CCDC27: variants seen among roughly 807,000 people sequenced by gnomAD.
CCDC27 encodes coiled-coil domain containing 27.
A neutral mutation model predicts 80.3 loss-of-function variants in CCDC27; 80 were observed. The ratio of observed to expected loss-of-function variants is 1.00; its 90% CI spans 0.83 to 1.20. The LOEUF is 1.20. Ranked by LOEUF, CCDC27 falls within the 50% of genes most tolerant of loss-of-function variation. The pLI is 0.00. For synonymous variants in CCDC27, 342 were observed against 334.3 expected, an observed-to-expected ratio of 1.02 and a Z score of -0.25; for missense variants, 815 against 809.4, an observed-to-expected ratio of 1.01 and a Z score of -0.08.
At position 3,760,271 on chromosome 1, in the gene CCDC27, A is replaced by G. The variant is rs1443960875; in HGVS notation, c.712-1010A>G. 6.6e-6 allele frequency among the ~76,000 whole-genome samples: 1 copy of G among 152,104 alleles called. No homozygotes were observed. The highest frequency in any genetic ancestry group is 1.9e-4 in the East Asian group (1 of 5,186). On this transcript the variant is annotated intron_variant, in intron 4 of 11. Transcript: ENST00000294600. The surrounding 1 kb of genome is among the most constrained non-coding windows in gnomAD (Gnocchi z 4.3). ...ATCCATACTACAAAGATTCCCATGT[A>G]CTTTTCCATTCCCCAAATGTTAAAT...
rs1643276426 is a variant in CCDC27, at chr1:3,768,089, T to C, written c.1743+644T>C. Among the ~76,000 whole-genome samples, 1 of 117,010 alleles carries C rather than the reference T, an allele frequency of 8.5e-6. No individual in the cohort carries two copies. Among genetic ancestry groups the C allele is most frequent in the African/African-American group, 3.3e-5 (1 of 30,122 alleles). The allele number at this position is 117,010 out of a possible 152,430, so 76.8% of individuals were successfully genotyped here. On this transcript the variant is annotated intron_variant, in intron 10 of 11. Transcript: ENST00000294600. The surrounding 1 kb of genome is among the most constrained non-coding windows in gnomAD (Gnocchi z 5.6). ...AAAGGAAATCAATAAAGAGCTGACC[T>C]TTTTTTTTTTTTTTTTTTTTTCTGA...
Position 3,767,417 on chromosome 1 carries a change from G to T in CCDC27, c.1715G>T (p.Arg572Leu), listed in dbSNP as rs770644260. The change falls in exon 10 of 12, where the codon CGC becomes CTC. Residue 572 changes from arginine to leucine, a missense_variant. Physicochemically the swap from Arg to Leu is moderately radical, Grantham distance 102. Transcript: ENST00000294600. ...EMIQQAEQHT[R>L]VALESSQSRL... ...ATTCAGCAGGCAGAGCAGCACACCC[G>T]CGTGGCCCTGGAGAGCTCCCAGTCC... 5 of 1,613,204 alleles carry T rather than the reference G, an allele frequency of 3.1e-6. No homozygotes were observed. The highest frequency in any genetic ancestry group is 2.2e-5 in the South Asian group (2 of 91,056).
Position 3,761,250 on chromosome 1 carries a change from C to T in CCDC27, c.712-31C>T, listed in dbSNP as rs915251124. ...GGGGAAGAGTGTGTGGCTGCATGGCCCACGGGGGCTGCCCTTGGTTTTCTG... is the reference window on the plus strand; with the variant it reads ...GGGGAAGAGTGTGTGGCTGCATGGCTCACGGGGGCTGCCCTTGGTTTTCTG... On this transcript the variant is annotated intron_variant, in intron 4 of 11. Transcript: ENST00000294600. The surrounding 1 kb of genome is among the most constrained non-coding windows in gnomAD (Gnocchi z 5.0). The T allele has an allele frequency of 1.2e-6, 2 of 1,608,560 alleles. No homozygotes were observed. The highest frequency in any genetic ancestry group is 1.7e-6 in the Non-Finnish European group (2 of 1,177,000).
chr1:3,764,443 CCATCTTAACAT>C (rs1415981314), intron 8 of CCDC27, among the ~76,000 whole-genome samples: 3 of 152,032 alleles, frequency 2.0e-5, no homozygotes, highest in Admixed American at 6.6e-5. Context: ...AGATTGTTCT[CCATCTTAACAT>C]TATTTAATGC....
chr1:3,752,891 G>A, intron 1 of CCDC27, 92 bp downstream of exon 1: 1 of 1,367,912 alleles, frequency 7.3e-7, no homozygotes, highest in Non-Finnish European at 1.0e-6. Flanking sequence ...AGCCCACAAA[G>A]CATTCCACAG....
In CCDC27 at chr1:3,768,270, A is replaced by G. The variant is rs569296607; in HGVS notation, c.1743+825A>G. Among the ~76,000 whole-genome samples the G allele has an allele frequency of 6.6e-6, 1 of 151,792 alleles. No homozygotes were observed. Among genetic ancestry groups the G allele is most frequent in the East Asian group, 1.9e-4 (1 of 5,144 alleles). The stretch of plus-strand genomic sequence containing the variant: ...GTGCCACCATACCTGGCCAATTTTA[A>G]AAGCTTTTTGTAGAGACGGTCTCAC... On this transcript the variant is annotated intron_variant, in intron 10 of 11. Coordinates refer to ENST00000294600, the MANE Select transcript of CCDC27 (RefSeq NM_152492.3). This position sits in a 1 kb window ranked among gnomAD's most constrained non-coding sequence, Gnocchi z 5.6.
chr1:3,754,466 G>C (rs1328287953), intron 2 of CCDC27, among the ~76,000 whole-genome samples: 1 of 152,108 alleles, frequency 6.6e-6, no homozygotes, highest in East Asian at 1.9e-4. Context: ...ATTATGATTT[G>C]TCTCCCCAGC....
intron 1 of CCDC27, 86 bp from the exon 2 acceptor site, chr1:3,754,032 G>A (rs542892547): frequency 5.1e-6 from 8 of 1,555,790 alleles, no homozygotes; most frequent in Non-Finnish European, 7.0e-6. Context: ...ATTTGTGATG[G>A]TTTAGGGAAA....
rs765155126 is a variant in CCDC27 at position 3,768,981 on chromosome 1, C to T, written c.1744-802C>T. Among the ~76,000 whole-genome samples, 5 of 152,284 alleles carry T rather than the reference C, an allele frequency of 3.3e-5. No homozygotes were observed. Among genetic ancestry groups the T allele is most frequent in the Admixed American group, 6.5e-5 (1 of 15,292 alleles). On this transcript the variant is annotated intron_variant, in intron 10 of 11. Coordinates refer to ENST00000294600, the MANE Select transcript of CCDC27 (RefSeq NM_152492.3). This position sits in a 1 kb window ranked among gnomAD's most constrained non-coding sequence, Gnocchi z 5.6. ...ATTCCTGCTGTCACTTAAACCTGTC[C>T]GAGCGGCAGTGTGGACATGCTTCCA... is the stretch of plus-strand genomic sequence containing the variant.
chr1:3,765,260 T>C (rs1643201487), intron 8 of CCDC27, among the ~76,000 whole-genome samples: 1 of 152,194 alleles, frequency 6.6e-6, no homozygotes, highest in Non-Finnish European at 1.5e-5. Context: ...TGTTCCTCTC[T>C]GGAAAGTTGT....
chr1:3,763,863 C>T lies in CCDC27; in HGVS notation c.1452+27C>T, dbSNP rs41306998. On this transcript the variant is annotated intron_variant, in intron 8 of 11. Transcript: ENST00000294600. This position sits in a 1 kb window ranked among gnomAD's most constrained non-coding sequence, Gnocchi z 7.5. ...TGGCCGTGCGCTCAGTACCGGCCTC[C>T]GCTCCATGAGCATGGGCCCCAGGCT... is the stretch of plus-strand genomic sequence containing the variant. 29,198 of 1,609,564 alleles carry T rather than the reference C, an allele frequency of 0.018. 333 individuals are homozygous for T. Among genetic ancestry groups the T allele is most frequent in the South Asian group, 0.037 (3,335 of 90,764 alleles).
chr1:3,755,318 T>A, intron 2 of CCDC27, 139 bp from the exon 3 acceptor site: 1 of 713,660 alleles, frequency 1.4e-6, no homozygotes, highest in Non-Finnish European at 2.5e-6. Flanking sequence ...GGTTCAGCCC[T>A]TGCTCAGTCC....
intron 11 of CCDC27, among the ~76,000 whole-genome samples, chr1:3,770,844 A>G (rs1449762782): frequency 6.6e-6 from 1 of 152,160 alleles, no homozygotes; most frequent in African/African-American, 2.4e-5. Flanking sequence ...GAGGGAAGAC[A>G]GAGGATGGAG....
chr1:3,763,949 G>A lies in CCDC27; in HGVS notation c.1452+113G>A. 6.8e-7 allele frequency: 1 copy of A among 1,460,256 alleles called. No individual in the cohort carries two copies. 90.5% of individuals were successfully genotyped at this position (1,460,256 alleles called of 1,614,324 possible). ...CGTCCCATCTACTGATGGAGACTTT[G>A]AGCCTGGGGTGTCCAGGCAGCTGGC... On this transcript the variant is annotated intron_variant, in intron 8 of 11. Transcript: ENST00000294600. The surrounding 1 kb of genome is among the most constrained non-coding windows in gnomAD (Gnocchi z 7.5).
At chr1:3,754,557 G>A (rs184837255) in intron 2 of CCDC27, among the ~76,000 whole-genome samples, 1 of 152,238 alleles carries the variant, frequency 6.6e-6, no homozygotes, top group Admixed American at 6.5e-5. Context: ...TGAAGATTCT[G>A]GAAGCTTCAG....
intron 3 of CCDC27, 104 bp from the exon 4 acceptor site, chr1:3,756,629 T>C (rs1276808040): frequency 8.1e-7 from 1 of 1,235,086 alleles, no homozygotes; most frequent in Non-Finnish European, 1.2e-6. Context: ...CAGATAGGGG[T>C]TTCCGAGGGA....
In CCDC27 at chr1:3,769,516, C is replaced by T. The variant is rs1643309378; in HGVS notation, c.1744-267C>T. Among the ~76,000 whole-genome samples, 1 of 151,994 alleles carries T rather than the reference C, an allele frequency of 6.6e-6. No individual in the cohort carries two copies. ...ATATGTGTGTGTAGGTTTTACTTTC[C>T]AATTAGAAAAGCCCACCTGGTGTAG... is the stretch of plus-strand genomic sequence containing the variant. On this transcript the variant is annotated intron_variant, in intron 10 of 11. Coordinates refer to ENST00000294600, the MANE Select transcript of CCDC27 (RefSeq NM_152492.3). The surrounding 1 kb of genome is among the most constrained non-coding windows in gnomAD (Gnocchi z 4.6).
chr1:3,771,455 A>T lies in CCDC27; in HGVS notation c.1903A>T (p.Lys635Ter). ...TAATCAGCTGAAGCAGAAAGGCGTC[A>T]AAGTGCCCCCCCTGCAACAGTCAGA... ...YYNQLKQKGV[K>*]VPPLQQSEAF... is the part of the protein sequence containing the mutation. The change falls in exon 12 of 12, where the codon AAA becomes TAA. Residue 635 changes from lysine (K) to a stop codon, truncating the protein, a stop_gained. Transcript: ENST00000294600. LOFTEE classifies it low-confidence loss of function (END_TRUNC). 6.2e-7 allele frequency: 1 copy of T among 1,614,100 alleles called. No individual in the cohort carries two copies. The highest frequency in any genetic ancestry group is 8.5e-7 in the Non-Finnish European group (1 of 1,179,996).
At chr1:3,765,963 AG>A (rs1056276784) in intron 8 of CCDC27, among the ~76,000 whole-genome samples, 1 of 151,324 alleles carries the variant, frequency 6.6e-6, no homozygotes, top group African/African-American at 2.4e-5. Context: ...CAGCCTCTCC[AG>A]AGTCGGGTGA....
Sources: gnomAD v4.1 joint callset for allele counts (sites outside exome capture counted in the v4.1 genomes callset) on GRCh38, gnomAD v4.1.1 for gene constraint, Gnocchi (gnomAD v3.1) non-coding constraint, MANE v1.5 for transcripts, NCBI Gene and HGNC (gene_info 2026-07-23, HGNC 2026-07-21) for gene names.